The following DENND6A variants were observed in gnomAD, a reference collection of about 807,000 sequenced individuals.
The protein encoded by DENND6A is DENN domain containing 6A, also known as protein DENND6A.
DENND6A carries 43 observed loss-of-function variants against 95.5 expected under a neutral mutation model. That is an observed-to-expected ratio of 0.45 (90% CI 0.35 to 0.58). The LOEUF (loss-of-function observed/expected upper bound fraction) is 0.58. Ranked by LOEUF, DENND6A falls within the 20% of genes least tolerant of loss-of-function variation. DENND6A has a pLI of 0.00. For synonymous variants in DENND6A, 257 were observed against 260.4 expected (o/e 0.99, Z 0.13); for missense variants, 574 against 736.0 (o/e 0.78, Z 2.55).
intron 9 of DENND6A, among the ~76,000 whole-genome samples, chr3:57,656,582 AAACT>A (rs1289628957): frequency 7.1e-5 from 10 of 141,734 alleles, no homozygotes; most frequent in Admixed American, 6.8e-4. Flanking sequence ...GCAACATATA[AAACT>A]AACCAATCTT....
In DENND6A at chr3:57,628,085, C is replaced by A. The variant is rs985168304; in HGVS notation, c.*129G>T. On this transcript the variant is annotated 3_prime_UTR_variant, in exon 20 of 20. Transcript: ENST00000311128. Reference sequence around the variant, plus strand: ...CTGTTTATACAATACAGTCTTTCTACCCTGTAACTAGCATTCATGGCAATT... The same window carrying A: ...CTGTTTATACAATACAGTCTTTCTAACCTGTAACTAGCATTCATGGCAATT... 45 of 1,289,906 alleles carry A rather than the reference C, an allele frequency of 3.5e-5. No homozygotes were observed. Among genetic ancestry groups the A allele is most frequent in the Non-Finnish European group, 4.5e-5 (43 of 945,294 alleles). The allele number at this position is 1,289,906 out of a possible 1,614,324, so 79.9% of individuals were successfully genotyped here.
chr3:57,661,375 A>C, intron 6 of DENND6A, 71 bp downstream of exon 6: 1 of 1,145,864 alleles, frequency 8.7e-7, no homozygotes, highest in South Asian at 1.8e-5. Flanking sequence ...GTTATAAATC[A>C]ACTTCATTTT....
chr3:57,662,551 A>T (rs978208726), intron 5 of DENND6A, among the ~76,000 whole-genome samples: 2 of 152,152 alleles, frequency 1.3e-5, no homozygotes, highest in Non-Finnish European at 2.9e-5. Flanking sequence ...AATAGAAACA[A>T]TAATGGCTAA....
chr3:57,650,443 C>CACAT (rs1363256395), intron 9 of DENND6A, among the ~76,000 whole-genome samples: 4 of 150,460 alleles, frequency 2.7e-5, no homozygotes, highest in Admixed American at 1.3e-4. Flanking sequence ...CACACACACA[C>CACAT]ACATACATAC....
At chr3:57,636,969 A>G (rs2070808814) in intron 12 of DENND6A, among the ~76,000 whole-genome samples, 1 of 151,158 alleles carries the variant, frequency 6.6e-6, no homozygotes, top group South Asian at 2.1e-4. Flanking sequence ...AGTTATCCAT[A>G]GGAAGGAGAA....
Position 57,663,736 on chromosome 3 carries a change from TA to T in DENND6A, c.433-21del. On this transcript the variant is annotated intron_variant, in intron 4 of 19. Coordinates refer to ENST00000311128, the MANE Select transcript of DENND6A (RefSeq NM_152678.3). Reference sequence around the variant, plus strand: ...ATCCTTCTAAGAAGAAAGTGACAAGTAAGTGTGTGTGGGGGGGTACATATAT... The same window carrying T: ...ATCCTTCTAAGAAGAAAGTGACAAGTAGTGTGTGTGGGGGGGTACATATAT... 6.7e-7 allele frequency: 1 copy of T among 1,482,448 alleles called. No homozygotes were observed. Among genetic ancestry groups the T allele is most frequent in the Non-Finnish European group, 9.2e-7 (1 of 1,082,636 alleles). The allele number at this position is 1,482,448 out of a possible 1,614,324, so 91.8% of individuals were successfully genotyped here.
At position 57,626,611 on chromosome 3, in the gene DENND6A, A is replaced by G. The variant is rs2070534181; in HGVS notation, c.*1603T>C. ...GTAATCCCAGCTACTCAGGAGGCTG[A>G]GGCAGGACAATCACTTGCACCCGGG... On this transcript the variant is annotated 3_prime_UTR_variant, in exon 20 of 20. Transcript: ENST00000311128. The G allele has an allele frequency of 6.6e-6, 1 of 152,272 alleles. No homozygotes were observed. 9.4% of individuals were successfully genotyped at this position (152,272 alleles called of 1,614,324 possible). A position where few individuals can be genotyped will look rare whatever the true frequency, so the allele number is the denominator to read the frequency against.
intron 3 of DENND6A, among the ~76,000 whole-genome samples, chr3:57,670,298 A>C (rs371261598): frequency 6.6e-6 from 1 of 152,230 alleles, no homozygotes. Flanking sequence ...CTTCAGAGAA[A>C]AAAAGTAAAA....
At chr3:57,628,936 C>T in intron 18 of DENND6A, 51 bp from the exon 19 acceptor site, 1 of 1,523,928 alleles carries the variant, frequency 6.6e-7, no homozygotes, top group Non-Finnish European at 9.0e-7. Flanking sequence ...AATATTCAAA[C>T]CTCTCTATTT....
rs375661658 is a variant in DENND6A at position 57,645,692 on chromosome 3, A to G, written c.1006T>C (p.Phe336Leu). 6.2e-7 allele frequency: 1 copy of G among 1,613,246 alleles called. No homozygotes were observed. The highest frequency in any genetic ancestry group is 8.5e-7 in the Non-Finnish European group (1 of 1,179,594). The part of the protein sequence containing the change: ...RPYFTIHDSE[F>L]KEYTTRTQAP... Reference sequence around the variant, plus strand: ...TGGGTACGGGTAGTATATTCTTTGAATTCACTATCATGAATAGTGAAATAA... The same window carrying G: ...TGGGTACGGGTAGTATATTCTTTGAGTTCACTATCATGAATAGTGAAATAA... Residue 336 changes from phenylalanine to leucine, a missense_variant, in exon 11 of 20, where the codon TTC (phenylalanine) becomes CTC (leucine). This residue lies in a region of DENND6A where 452 missense variants were observed against 630.9 expected (regional missense o/e 0.72). Transcript: ENST00000311128.
At chr3:57,662,810 T>A (rs1041322102) in intron 5 of DENND6A, among the ~76,000 whole-genome samples, 5 of 150,892 alleles carry the variant, frequency 3.3e-5, no homozygotes, top group African/African-American at 9.7e-5. Context: ...ATAATAATAA[T>A]AAAAAAAAGA....
intron 1 of DENND6A, among the ~76,000 whole-genome samples, chr3:57,673,531 C>G (rs2071656760): frequency 6.6e-6 from 1 of 152,022 alleles, no homozygotes; most frequent in Non-Finnish European, 1.5e-5. Flanking sequence ...AGGACAACCA[C>G]AGTTAAAAAT....
chr3:57,689,175 G>C (rs1234028885), intron 1 of DENND6A, among the ~76,000 whole-genome samples: 3 of 151,852 alleles, frequency 2.0e-5, no homozygotes, highest in Non-Finnish European at 4.4e-5. Flanking sequence ...GGGTGGTCTC[G>C]ATCTCTTGAC....
chr3:57,648,503 C>A (rs971992018), intron 9 of DENND6A, among the ~76,000 whole-genome samples: 15 of 152,070 alleles, frequency 9.9e-5, no homozygotes, highest in African/African-American at 3.6e-4. Context: ...CGTCACAGAA[C>A]TAGAAAAAAC....
intron 4 of DENND6A, chr3:57,665,906 A>C: frequency 2.3e-6 from 1 of 428,342 alleles, no homozygotes; most frequent in Non-Finnish European, 4.2e-6. Flanking sequence ...ATTTTTATAA[A>C]TCACAGTGAC....
At chr3:57,682,479 T>A (rs759267895) in intron 1 of DENND6A, among the ~76,000 whole-genome samples, 5 of 152,122 alleles carry the variant, frequency 3.3e-5, no homozygotes, top group African/African-American at 1.2e-4. Context: ...TATGCGCCTA[T>A]CAAATTCCAT....
intron 1 of DENND6A, among the ~76,000 whole-genome samples, chr3:57,686,262 T>C (rs188742746): frequency 6.6e-5 from 10 of 152,306 alleles, no homozygotes; most frequent in Admixed American, 5.9e-4. Flanking sequence ...TTCAGGCACA[T>C]ATACCCTTGG....
At chr3:57,658,108 C>T (rs1400890694) in intron 8 of DENND6A, among the ~76,000 whole-genome samples, 4 of 151,762 alleles carry the variant, frequency 2.6e-5, no homozygotes, top group South Asian at 2.1e-4. Flanking sequence ...TGGGGGCAGG[C>T]GCCTGTAGTC....
intron 9 of DENND6A, among the ~76,000 whole-genome samples, chr3:57,652,629 C>T (rs1393766955): frequency 6.6e-6 from 1 of 152,110 alleles, no homozygotes; most frequent in Non-Finnish European, 1.5e-5. Flanking sequence ...CCAAAAATAC[C>T]TAATTACAAA....
Sources: allele counts gnomAD v4.1 joint callset (sites outside exome capture counted in the v4.1 genomes callset), GRCh38; gene constraint gnomAD v4.1.1; regional missense constraint gnomAD v4.1.1; transcripts MANE v1.5; gene names NCBI Gene and HGNC (gene_info 2026-07-23, HGNC 2026-07-21).